Variants in PAX3 observed in about 807,000 individuals in gnomAD.
PAX3 encodes paired box 3, also known as paired box protein Pax-3.
PAX3 carries 14 observed loss-of-function variants against 51.6 expected under a neutral mutation model. The ratio of observed to expected loss-of-function variants is 0.27; its 90% CI spans 0.18 to 0.42. The LOEUF (loss-of-function observed/expected upper bound fraction) is 0.42. Ranked by LOEUF, PAX3 falls within the 10% of genes least tolerant of loss-of-function variation. The pLI is 1.00. For missense variants in PAX3, 540 were observed against 642.8 expected (o/e 0.84, Z 1.73); for synonymous variants, 280 against 253.4 (o/e 1.11, Z -1.00).
intron 5 of PAX3, 69 bp downstream of exon 5, chr2:222,232,009 T>C (rs1282085877): frequency 2.8e-6 from 4 of 1,416,772 alleles, no homozygotes; most frequent in Non-Finnish European, 2.0e-6. Flanking sequence ...ACATATGTTT[T>C]AGATGAGAAG....
At chr2:222,297,264 A>G (rs1325882203) in intron 1 of PAX3, 51 bp from the exon 2 acceptor site, 2 of 1,387,062 alleles carry the variant, frequency 1.4e-6, no homozygotes, top group Admixed American at 3.9e-5. Flanking sequence ...GGAGGAAAAT[A>G]AAAAGCAAAG....
chr2:222,251,684 C>T (rs552033474), intron 4 of PAX3, among the ~76,000 whole-genome samples: 1 of 152,338 alleles, frequency 6.6e-6, no homozygotes, highest in East Asian at 1.9e-4. Flanking sequence ...GGAATCGCCA[C>T]ACTGACTTCC....
chr2:222,266,673 T>C (rs1694065841), intron 4 of PAX3, among the ~76,000 whole-genome samples: 1 of 152,246 alleles, frequency 6.6e-6, no homozygotes, highest in Non-Finnish European at 1.5e-5. Flanking sequence ...TTATTATTTC[T>C]GCTTTGTGGC....
intron 5 of PAX3, among the ~76,000 whole-genome samples, chr2:222,221,903 G>A (rs910724674): frequency 6.6e-6 from 1 of 151,480 alleles, no homozygotes; most frequent in African/African-American, 2.4e-5. Flanking sequence ...GATAAGTGGA[G>A]CCCTTTTTTC....
chr2:222,201,166 T>G lies in PAX3; in HGVS notation c.*242A>C, dbSNP rs1691274176. 4.3e-6 allele frequency: 7 copies of G among 1,613,866 alleles called. No individual in the cohort carries two copies. In the South Asian group the frequency reaches 6.6e-5, roughly 15 times the overall value. Reference sequence around the variant, plus strand: ...GAAACCATTGCCTTAAAATGTTGCATTTGTCTTTTATTGCTCCAGGTCTTC... The same window carrying G: ...GAAACCATTGCCTTAAAATGTTGCAGTTGTCTTTTATTGCTCCAGGTCTTC... On this transcript the variant is annotated 3_prime_UTR_variant, in exon 9 of 9. Coordinates refer to ENST00000392070, the MANE Select transcript of PAX3 (RefSeq NM_181458.4).
At chr2:222,297,826 A>G (rs1354385785) in intron 1 of PAX3, among the ~76,000 whole-genome samples, 1 of 152,156 alleles carries the variant, frequency 6.6e-6, no homozygotes, top group Non-Finnish European at 1.5e-5. Flanking sequence ...TGGGTGTTAC[A>G]TTCTACTCTA....
chr2:222,233,440 C>A (rs918650353), intron 4 of PAX3, among the ~76,000 whole-genome samples: 2 of 152,244 alleles, frequency 1.3e-5, no homozygotes, highest in South Asian at 2.1e-4. Flanking sequence ...CTAGCAAAAC[C>A]TGGGCACAAG....
Position 222,200,341 on chromosome 2 carries a change from A to G in PAX3, c.*1067T>C, listed in dbSNP as rs940466368. Reference sequence around the variant, plus strand: ...CACTTCTGTTCTTGCCCTGCCTTTCATAGAAAAGAGAAGAATGTAAACGTA... The same window carrying G: ...CACTTCTGTTCTTGCCCTGCCTTTCGTAGAAAAGAGAAGAATGTAAACGTA... On this transcript the variant is annotated 3_prime_UTR_variant, in exon 9 of 9. Coordinates refer to ENST00000392070, the MANE Select transcript of PAX3 (RefSeq NM_181458.4). 1.3e-5 allele frequency: 3 copies of G among 222,394 alleles called. No individual in the cohort carries two copies. The highest frequency in any genetic ancestry group is 2.2e-5 in the African/African-American group (1 of 44,746). The allele number at this position is 222,394 out of a possible 1,614,324, so 13.8% of individuals were successfully genotyped here.
Position 222,294,206 on chromosome 2 carries a change from T to C in PAX3, c.547A>G (p.Lys183Glu). 1.2e-6 allele frequency: 2 copies of C among 1,614,162 alleles called. No individual in the cohort carries two copies. Among genetic ancestry groups the C allele is most frequent in the Non-Finnish European group, 1.7e-6 (2 of 1,179,998 alleles). The stretch of plus-strand genomic sequence containing the variant: ...ATGCCGTCGATGCTGTGTTTGGCCT[T>C]CTTCTCGCTTTCCTCTGCCTCCTTC... ...ERKEAEESEK[K>E]AKHSIDGILS... The change falls in exon 4 of 9, where the codon AAG becomes GAG. Residue 183 changes from lysine (K) to glutamate (E), a missense_variant. By Grantham distance (56) the Lys-to-Glu change is moderately conservative (BLOSUM62 1). Transcript: ENST00000392070.
chr2:222,273,303 T>C (rs1433911532), intron 4 of PAX3, among the ~76,000 whole-genome samples: 1 of 152,174 alleles, frequency 6.6e-6, no homozygotes, highest in Admixed American at 6.5e-5. Flanking sequence ...TAAAAAAATA[T>C]AACCACATGA....
chr2:222,260,551 AGTTTTTTTTTTTTGTTTTTTTTTTTT>A (rs869083233), intron 4 of PAX3, among the ~76,000 whole-genome samples: 49 of 102,006 alleles, frequency 4.8e-4, no homozygotes, highest in Admixed American at 8.1e-4. Flanking sequence ...AAGCAACACA[AGTTTTTTTTTTTTGTTTTTTTTTTTT>A]GTTTTTTTTT....
intron 7 of PAX3, among the ~76,000 whole-genome samples, chr2:222,213,325 G>A (rs1691821233): frequency 2.6e-5 from 4 of 152,218 alleles, no homozygotes; most frequent in African/African-American, 9.6e-5. Context: ...AAAAGTACCA[G>A]GTCAATTACA....
At chr2:222,275,944 G>A (rs967834836) in intron 4 of PAX3, among the ~76,000 whole-genome samples, 3 of 152,186 alleles carry the variant, frequency 2.0e-5, no homozygotes, top group South Asian at 2.1e-4. Context: ...TGGGACAACC[G>A]CTAAGTGTGA....
At chr2:222,245,467 G>A (rs1693190292) in intron 4 of PAX3, among the ~76,000 whole-genome samples, 1 of 152,194 alleles carries the variant, frequency 6.6e-6, no homozygotes, top group Admixed American at 6.5e-5. Flanking sequence ...GAATAGGTCA[G>A]GTACCCAACA....
chr2:222,285,236 C>T (rs1028052240), intron 4 of PAX3, among the ~76,000 whole-genome samples: 3 of 152,200 alleles, frequency 2.0e-5, no homozygotes, highest in Non-Finnish European at 4.4e-5. Flanking sequence ...TTAATCATCA[C>T]ATTACATTTG....
intron 5 of PAX3, among the ~76,000 whole-genome samples, chr2:222,225,055 C>A (rs1692334256): frequency 1.3e-5 from 2 of 152,126 alleles, no homozygotes; most frequent in African/African-American, 2.4e-5. Flanking sequence ...GATTACCTGG[C>A]CTTCCGCATC....
intron 5 of PAX3, among the ~76,000 whole-genome samples, chr2:222,223,798 G>A (rs1692286483): frequency 6.6e-6 from 1 of 152,128 alleles, no homozygotes; most frequent in African/African-American, 2.4e-5. Flanking sequence ...CAGTTCCACT[G>A]GTGAAACCCT....
At chr2:222,283,420 G>A (rs1417316178) in intron 4 of PAX3, among the ~76,000 whole-genome samples, 1 of 152,136 alleles carries the variant, frequency 6.6e-6, no homozygotes, top group Non-Finnish European at 1.5e-5. Flanking sequence ...AGACAGAGGT[G>A]GGAGGAAAAC....
chr2:222,275,037 T>C (rs1276980654), intron 4 of PAX3, among the ~76,000 whole-genome samples: 1 of 152,212 alleles, frequency 6.6e-6, no homozygotes, highest in Non-Finnish European at 1.5e-5. Flanking sequence ...GTGGCTAAGA[T>C]CAGATTTCTT....
Sources: allele counts gnomAD v4.1 joint callset (sites outside exome capture counted in the v4.1 genomes callset), GRCh38; gene constraint gnomAD v4.1.1; transcripts MANE v1.5; gene names NCBI Gene and HGNC (gene_info 2026-07-23, HGNC 2026-07-21).